The following DSCAML1 variants were observed in gnomAD, a reference collection of about 807,000 sequenced individuals.
The protein encoded by DSCAML1 is DS cell adhesion molecule like 1.
A neutral mutation model predicts 200.5 loss-of-function variants in DSCAML1; 38 were observed. That is an observed-to-expected ratio of 0.19 (90% CI 0.15 to 0.25). The LOEUF (loss-of-function observed/expected upper bound fraction) is 0.25. Ranked by LOEUF, DSCAML1 falls within the 10% of genes least tolerant of loss-of-function variation. The probability of loss-of-function intolerance (pLI) is 1.00; values close to 1 mark genes in which losing one functional copy is unlikely to be tolerated. For synonymous variants in DSCAML1, 1,215 were observed against 1,165.0 expected, an observed-to-expected ratio of 1.04 and a Z score of -0.87; for missense variants, 2,223 against 2,858.8, an observed-to-expected ratio of 0.78 and a Z score of 5.07.
At chr11:117,598,708 G>A (rs2137502753) in intron 3 of DSCAML1, among the ~76,000 whole-genome samples, 1 of 152,276 alleles carries the variant, frequency 6.6e-6, no homozygotes, top group South Asian at 2.1e-4. Flanking sequence ...GGTTGAAGGA[G>A]GGGAAAAAGG....
intron 3 of DSCAML1, among the ~76,000 whole-genome samples, chr11:117,769,232 TATATATTTTATATATGTATATA>T (rs2054965507): frequency 2.1e-4 from 8 of 38,656 alleles, no homozygotes; most frequent in East Asian, 1.9e-3. Context: ...TTGTATATAT[TATATATTTTATATATGTATATA>T]TTATATATTT....
At chr11:117,430,387 G>C (rs932718625) in intron 32 of DSCAML1, among the ~76,000 whole-genome samples, 1 of 152,226 alleles carries the variant, frequency 6.6e-6, no homozygotes, top group African/African-American at 2.4e-5. Context: ...GAATGAATGA[G>C]GCCTTACAAC....
chr11:117,559,096 T>C (rs1253371328), intron 3 of DSCAML1, among the ~76,000 whole-genome samples: 2 of 146,790 alleles, frequency 1.4e-5, no homozygotes, highest in African/African-American at 5.3e-5. Context: ...TCTCCTTCCA[T>C]ATATGGGGAA....
chr11:117,667,297 A>T (rs1256877608), intron 3 of DSCAML1, among the ~76,000 whole-genome samples: 1 of 152,140 alleles, frequency 6.6e-6, no homozygotes, highest in Non-Finnish European at 1.5e-5. Context: ...CTATAATCCT[A>T]GCTACTCGGG....
chr11:117,483,957 C>T (rs1478395405), intron 11 of DSCAML1, among the ~76,000 whole-genome samples: 3 of 151,944 alleles, frequency 2.0e-5, no homozygotes, highest in Non-Finnish European at 4.4e-5. Context: ...TGGTCACTGG[C>T]CTGCTTTGGG....
In DSCAML1 at chr11:117,437,045, T is replaced by A; in HGVS notation, c.4720+77A>T. On this transcript the variant is annotated intron_variant, in intron 26 of 32. Transcript: ENST00000651296. This position sits in a 1 kb window ranked among gnomAD's most constrained non-coding sequence, Gnocchi z 5.3. The stretch of plus-strand genomic sequence containing the variant: ...TTTTCTATTAGTCTGTCTCTTTATG[T>A]ATCTGCCACTCTGCCCACTTCCTTC... 6.6e-7 allele frequency: 1 copy of A among 1,522,254 alleles called. No homozygotes were observed. Among genetic ancestry groups the A allele is most frequent in the African/African-American group, 1.4e-5 (1 of 73,092 alleles). The allele number at this position is 1,522,254 out of a possible 1,614,324, so 94.3% of individuals were successfully genotyped here.
At chr11:117,768,200 G>A (rs930165475) in intron 3 of DSCAML1, among the ~76,000 whole-genome samples, 1 of 152,138 alleles carries the variant, frequency 6.6e-6, no homozygotes, top group Non-Finnish European at 1.5e-5. Context: ...GTACAAAACC[G>A]CACCTCCATT....
Position 117,489,873 on chromosome 11 carries a change from A to C in DSCAML1, c.2360-7711T>G, listed in dbSNP as rs2049151843. 1.3e-5 allele frequency among the ~76,000 whole-genome samples: 2 copies of C among 152,198 alleles called. No individual in the cohort carries two copies. On this transcript the variant is annotated intron_variant, in intron 11 of 32. Coordinates refer to ENST00000651296, the MANE Select transcript of DSCAML1 (RefSeq NM_020693.4). The surrounding 1 kb of genome is among the most constrained non-coding windows in gnomAD (Gnocchi z 4.8). ...CTGTGAGACTCTCCAGGGCAGAAGCATCTCTATTCCAGGGCTTAGCTCGTG... is the reference window on the plus strand; with the variant it reads ...CTGTGAGACTCTCCAGGGCAGAAGCCTCTCTATTCCAGGGCTTAGCTCGTG...
At chr11:117,791,758 A>G (rs2055471392) in intron 1 of DSCAML1, among the ~76,000 whole-genome samples, 1 of 152,230 alleles carries the variant, frequency 6.6e-6, no homozygotes, top group African/African-American at 2.4e-5. Context: ...TTGGCCAAAA[A>G]TGTGGCTGAT....
At chr11:117,739,658 G>C (rs1395086494) in intron 3 of DSCAML1, among the ~76,000 whole-genome samples, 1 of 152,154 alleles carries the variant, frequency 6.6e-6, no homozygotes, top group African/African-American at 2.4e-5. Flanking sequence ...GGTTATTCAG[G>C]GTGTGCACTG....
chr11:117,490,770 C>T (rs1042116404), intron 11 of DSCAML1, among the ~76,000 whole-genome samples: 8 of 152,336 alleles, frequency 5.3e-5, no homozygotes, highest in East Asian at 3.9e-4. Context: ...TCCTTTCTTT[C>T]GGTTTATCCT....
chr11:117,577,297 C>CCTGGGCATCTACATTTTT (rs2137450712), intron 3 of DSCAML1, among the ~76,000 whole-genome samples: 2 of 152,294 alleles, frequency 1.3e-5, no homozygotes, highest in Non-Finnish European at 2.9e-5. Flanking sequence ...TTCAACACAA[C>CCTGGGCATCTACATTTTT]ATGGGCATCT....
intron 3 of DSCAML1, among the ~76,000 whole-genome samples, chr11:117,655,911 G>A (rs2137631556): frequency 6.6e-6 from 1 of 152,304 alleles, no homozygotes; most frequent in East Asian, 1.9e-4. Flanking sequence ...GGAGTGTGCA[G>A]CGTGAGGGAC....
At chr11:117,722,249 T>A (rs1037560116) in intron 3 of DSCAML1, among the ~76,000 whole-genome samples, 1 of 151,752 alleles carries the variant, frequency 6.6e-6, no homozygotes, top group African/African-American at 2.4e-5. Flanking sequence ...GAAATGTATT[T>A]CTCTAAGTCA....
intron 3 of DSCAML1, among the ~76,000 whole-genome samples, chr11:117,582,757 A>C (rs1245906517): frequency 6.6e-6 from 1 of 152,178 alleles, no homozygotes; most frequent in Non-Finnish European, 1.5e-5. Context: ...TGTGTGCCCC[A>C]GTCCACGGGC....
At chr11:117,453,766 A>ATAGAGTCTCGCTCTGTCCCTAGGC (rs2048326465) in intron 19 of DSCAML1, among the ~76,000 whole-genome samples, 4 of 112,956 alleles carry the variant, frequency 3.5e-5, no homozygotes, top group Non-Finnish European at 7.2e-5. Context: ...TTTTTTTGAG[A>ATAGAGTCTCGCTCTGTCCCTAGGC]TAGAGTCTCG....
chr11:117,475,805 G>A (rs1225981836), intron 14 of DSCAML1, among the ~76,000 whole-genome samples: 3 of 151,558 alleles, frequency 2.0e-5, no homozygotes, highest in Non-Finnish European at 4.4e-5. Flanking sequence ...TTTCTTCTGC[G>A]TTTGCCTCCC....
intron 3 of DSCAML1, among the ~76,000 whole-genome samples, chr11:117,758,677 C>T (rs907257999): frequency 6.6e-6 from 1 of 152,134 alleles, no homozygotes; most frequent in Non-Finnish European, 1.5e-5. Context: ...GCTGGGATTA[C>T]AGGTGTGAGC....
rs779859656 is a variant in DSCAML1 at position 117,428,554 on chromosome 11, G to T, written c.5936C>A (p.Pro1979His). 6 of 1,547,920 alleles carry T rather than the reference G, an allele frequency of 3.9e-6. No homozygotes were observed. The Admixed American group carries it at 1.2e-4, about 30-fold the overall frequency. Residue 1979 changes from proline (P) to histidine (H), a missense_variant, in exon 33 of 33, where the codon CCC (proline) becomes CAC (histidine). Coordinates refer to ENST00000651296, the MANE Select transcript of DSCAML1 (RefSeq NM_020693.4). The stretch of plus-strand genomic sequence containing the variant: ...GGCTGGGGGGGCTGTGCCGGCTGGG[G>T]GGGCTGGCATGGCCAGAGTCCTCTG... ...LPQRTLAMPA[P>H]PAGTAPPAPG...
Sources: gnomAD v4.1 joint callset for allele counts (sites outside exome capture counted in the v4.1 genomes callset) on GRCh38, gnomAD v4.1.1 for gene constraint, Gnocchi (gnomAD v3.1) non-coding constraint, MANE v1.5 for transcripts, NCBI Gene and HGNC (gene_info 2026-07-23, HGNC 2026-07-21) for gene names.